RRP9: variants seen among roughly 807,000 people sequenced by gnomAD.
RRP9 encodes the protein ribosomal RNA processing 9, U3 small nucleolar RNA binding protein.
Under a neutral mutation model 65.5 loss-of-function variants are expected in RRP9, and 35 were observed. That is an observed-to-expected ratio of 0.53 (90% confidence interval 0.41 to 0.71). The LOEUF is 0.71. Ranked by LOEUF, RRP9 falls within the 30% of genes least tolerant of loss-of-function variation. The pLI, the probability that RRP9 is intolerant of heterozygous loss-of-function variation, is 0.00. For synonymous variants in RRP9, 254 were observed against 245.0 expected (o/e 1.04, Z -0.34); for missense variants, 533 against 633.6 (o/e 0.84, Z 1.70).
chr3:51,936,663 C>T (rs1040401949), intron 6 of RRP9, 108 bp from the exon 7 acceptor site: 23 of 1,258,120 alleles, frequency 1.8e-5, no homozygotes, highest in Non-Finnish European at 2.1e-5. Context: ...ATGTCCCGGA[C>T]TCGGCCAGAA....
chr3:51,938,052 C>G, intron 3 of RRP9, 43 bp downstream of exon 3: 1 of 1,479,368 alleles, frequency 6.8e-7, no homozygotes, highest in Non-Finnish European at 9.2e-7. Context: ...CAGACCAGCA[C>G]AGGCAGAAGC....
In RRP9 at chr3:51,936,428, T is replaced by C. The variant is rs1699460016; in HGVS notation, c.642+3A>G. On this transcript the variant is annotated splice_donor_region_variant and intron_variant, in intron 7 of 14. Transcript: ENST00000232888. Reference sequence around the variant, plus strand: ...CCTGCCCCCAGGGCCAACCTGGCCTTACAAGGTACTTGCCGTCGGAGGAGA... The same window carrying C: ...CCTGCCCCCAGGGCCAACCTGGCCTCACAAGGTACTTGCCGTCGGAGGAGA... 3.7e-6 allele frequency: 6 copies of C among 1,614,062 alleles called. No individual in the cohort carries two copies. The highest frequency in any genetic ancestry group is 5.1e-6 in the Non-Finnish European group (6 of 1,180,034).
chr3:51,936,377 G>A (rs747483054), intron 7 of RRP9, 28 bp from the exon 8 acceptor site: 16 of 1,614,168 alleles, frequency 9.9e-6, no homozygotes, highest in South Asian at 2.2e-5. Flanking sequence ...ATGATCACAG[G>A]CACCCACCAT....
chr3:51,933,935 G>A (rs1321845066), intron 13 of RRP9, among the ~76,000 whole-genome samples, 154 bp from the exon 14 acceptor site: 1 of 152,216 alleles, frequency 6.6e-6, no homozygotes, highest in African/African-American at 2.4e-5. Flanking sequence ...TCACTTGTCA[G>A]GGCCTCAGCC....
At chr3:51,941,297 G>C in intron 2 of RRP9, 112 bp downstream of exon 2, 1 of 951,216 alleles carries the variant, frequency 1.1e-6, no homozygotes, top group Non-Finnish European at 1.7e-6. Flanking sequence ...CGATCTCAGA[G>C]CCAAGGGACA....
At chr3:51,940,232 G>A (rs919949711) in intron 2 of RRP9, among the ~76,000 whole-genome samples, 1 of 152,008 alleles carries the variant, frequency 6.6e-6, no homozygotes, top group Non-Finnish European at 1.5e-5. Flanking sequence ...CTCCAGCCTG[G>A]GCAACAGAGT....
rs1453641884 is a variant in RRP9 at position 51,934,564 on chromosome 3, G to C, written c.1181-13C>G. The stretch of plus-strand genomic sequence containing the variant: ...GAGCTGTGGGAGCCTGGGGAGACTG[G>C]AACAGTGAGCAACCCCTGCACCGGC... On this transcript the variant is annotated splice_polypyrimidine_tract_variant and intron_variant, in intron 12 of 14. Coordinates refer to ENST00000232888, the MANE Select transcript of RRP9 (RefSeq NM_004704.5). This position sits in a 1 kb window ranked among gnomAD's most constrained non-coding sequence, Gnocchi z 4.1. The C allele has an allele frequency of 1.2e-6, 2 of 1,613,814 alleles. No individual in the cohort carries two copies. The highest frequency in any genetic ancestry group is 1.3e-5 in the African/African-American group (1 of 75,048).
At position 51,936,560 on chromosome 3, in the gene RRP9, A is replaced by T; in HGVS notation, c.518-5T>A. ...TCCGTCCACTCTCCACGCTCCCTGCAGTTGGGGGTGGGGGAGAAGCTACTG... is the reference window on the plus strand; with the variant it reads ...TCCGTCCACTCTCCACGCTCCCTGCTGTTGGGGGTGGGGGAGAAGCTACTG... On this transcript the variant is annotated splice_region_variant and splice_polypyrimidine_tract_variant and intron_variant, in intron 6 of 14. Transcript: ENST00000232888. 6.2e-7 allele frequency: 1 copy of T among 1,612,962 alleles called. No individual in the cohort carries two copies. The highest frequency in any genetic ancestry group is 1.1e-5 in the South Asian group (1 of 91,038).
intron 8 of RRP9, among the ~76,000 whole-genome samples, chr3:51,936,047 C>G (rs1471824503): frequency 6.6e-6 from 1 of 152,150 alleles, no homozygotes; most frequent in African/African-American, 2.4e-5. Flanking sequence ...TCTCAAGGCC[C>G]TCGTTGATTC....
chr3:51,938,055 G>T, intron 3 of RRP9, 40 bp downstream of exon 3: 1 of 1,506,700 alleles, frequency 6.6e-7, no homozygotes, highest in Non-Finnish European at 9.0e-7. Flanking sequence ...ACCAGCACAG[G>T]CAGAAGCCCT....
intron 10 of RRP9, 33 bp from the exon 11 acceptor site, chr3:51,935,292 A>T: frequency 6.2e-7 from 1 of 1,614,126 alleles, no homozygotes; most frequent in South Asian, 1.1e-5. Context: ...GCGTGGCCCA[A>T]GCCCACCCCC....
intron 2 of RRP9, among the ~76,000 whole-genome samples, 167 bp downstream of exon 2, chr3:51,941,242 G>A (rs1284917385): frequency 6.6e-6 from 1 of 152,172 alleles, no homozygotes; most frequent in Non-Finnish European, 1.5e-5. Flanking sequence ...CAGAGACCTC[G>A]CAGAAACAAG....
rs1177729826 is a variant in RRP9 at position 51,934,783 on chromosome 3, A to G, written c.1035-7T>C. The G allele has an allele frequency of 1.2e-6, 2 of 1,611,072 alleles. No homozygotes were observed. Among genetic ancestry groups the G allele is most frequent in the Admixed American group, 1.7e-5 (1 of 59,964 alleles). ...ACCCCACAAGGCCACAGAGCTATAA[A>G]CAGGGAGGGAATACAGCAGTGAGGG... On this transcript the variant is annotated splice_region_variant and splice_polypyrimidine_tract_variant and intron_variant, in intron 11 of 14. Transcript: ENST00000232888. This position sits in a 1 kb window ranked among gnomAD's most constrained non-coding sequence, Gnocchi z 4.1.
chr3:51,937,172 C>A lies in RRP9; in HGVS notation c.517+20G>T. On this transcript the variant is annotated intron_variant, in intron 6 of 14. Transcript: ENST00000232888. The surrounding 1 kb of genome is among the most constrained non-coding windows in gnomAD (Gnocchi z 5.0). ...CGGATCCGCCATGGGGGCTCCAGCC[C>A]CACCCAGGCACTCACTCACACTTAA... The A allele has an allele frequency of 1.2e-6, 2 of 1,611,806 alleles. No individual in the cohort carries two copies. The highest frequency in any genetic ancestry group is 1.7e-6 in the Non-Finnish European group (2 of 1,179,080).
chr3:51,941,356 G>A, intron 2 of RRP9, 53 bp downstream of exon 2: 5 of 1,442,430 alleles, frequency 3.5e-6, no homozygotes, highest in Non-Finnish European at 4.9e-6. Context: ...TCAGTCTTCC[G>A]TGCACCATGG....
At position 51,933,736 on chromosome 3, in the gene RRP9, G is replaced by C; in HGVS notation, c.1306C>G (p.Leu436Val). 6.2e-7 allele frequency: 1 copy of C among 1,614,126 alleles called. No individual in the cohort carries two copies. The highest frequency in any genetic ancestry group is 8.5e-7 in the Non-Finnish European group (1 of 1,180,020). The change falls in exon 14 of 15, where the codon CTG (leucine) becomes GTG (valine). Residue 436 changes from leucine to valine, a missense_variant. Transcript: ENST00000232888. The stretch of plus-strand genomic sequence containing the variant: ...TGCTCCTGCCCTACCCCAGCCACCA[G>C]GAAGTCCCCAGAGCTGGAGAACTTG... ...SLKFSSSGDF[L>V]VAGVGQEHRL...
chr3:51,935,115 C>A, intron 11 of RRP9, 82 bp downstream of exon 11: 1 of 1,495,850 alleles, frequency 6.7e-7, no homozygotes, highest in South Asian at 1.1e-5. Flanking sequence ...CTGGGGGTGC[C>A]CTGAGGCAAG....
chr3:51,938,999 A>C (rs1699487163), intron 2 of RRP9, among the ~76,000 whole-genome samples: 1 of 152,134 alleles, frequency 6.6e-6, no homozygotes, highest in South Asian at 2.1e-4. Flanking sequence ...GGACCAGCTG[A>C]GAGTACTCAC....
chr3:51,939,592 A>G lies in RRP9; in HGVS notation c.171-1388T>C, dbSNP rs549082873. Among the ~76,000 whole-genome samples, 34 of 152,352 alleles carry G rather than the reference A, an allele frequency of 2.2e-4. No individual in the cohort carries two copies. In the South Asian group the frequency reaches 2.7e-3, roughly 12 times the overall value. ...CCTTCAGGGTAGAGGTGGTCACACA[A>G]CTGTGTGTGTTTGTCAAAACTCACT... On this transcript the variant is annotated intron_variant, in intron 2 of 14. Transcript: ENST00000232888.
Sources: allele counts gnomAD v4.1 joint callset (sites outside exome capture counted in the v4.1 genomes callset), GRCh38; gene constraint gnomAD v4.1.1; non-coding constraint Gnocchi (gnomAD v3.1); transcripts MANE v1.5; gene names NCBI Gene and HGNC (gene_info 2026-07-23, HGNC 2026-07-21).